The following ERI3 variants were observed in gnomAD, a reference collection of about 807,000 sequenced individuals.
The protein encoded by ERI3 is ERI1 exoribonuclease family member 3, also known as ERI1 exoribonuclease 3.
A neutral mutation model predicts 44.4 loss-of-function variants in ERI3; 18 were observed. The observed-to-expected ratio is 0.41, with a 90% CI of 0.28 to 0.60. The LOEUF is 0.60. ERI3 is among the 20% of genes least tolerant of loss of function. The pLI is 0.36. For synonymous variants in ERI3, 183 were observed against 164.8 expected (o/e 1.11, Z -0.84); for missense variants, 294 against 435.5 (o/e 0.68, Z 2.89).
chr1:44,333,171 C>T (rs1235242427), intron 3 of ERI3, among the ~76,000 whole-genome samples: 1 of 152,220 alleles, frequency 6.6e-6, no homozygotes, highest in Non-Finnish European at 1.5e-5. Flanking sequence ...CACACTAACA[C>T]AAAATACTAC....
chr1:44,221,703 T>C lies in ERI3; in HGVS notation c.932-63A>G. 1.4e-6 allele frequency: 2 copies of C among 1,388,946 alleles called. No homozygotes were observed. The highest frequency in any genetic ancestry group is 2.0e-6 in the Non-Finnish European group (2 of 977,108). 86.0% of individuals were successfully genotyped at this position (1,388,946 alleles called of 1,614,324 possible). On this transcript the variant is annotated intron_variant, in intron 8 of 8. Coordinates refer to ENST00000372257, the MANE Select transcript of ERI3 (RefSeq NM_024066.3). This position sits in a 1 kb window ranked among gnomAD's most constrained non-coding sequence, Gnocchi z 5.9. ...CCTTCCCCTCCATGCCCACAGGTGC[T>C]CTTACAAGGGTGGGGGTGGGAAGCA...
intron 6 of ERI3, among the ~76,000 whole-genome samples, chr1:44,300,726 G>A (rs1645706037): frequency 6.6e-6 from 1 of 152,156 alleles, no homozygotes; most frequent in African/African-American, 2.4e-5. Flanking sequence ...TTCTGGGCCC[G>A]GGGACATGTG....
intron 3 of ERI3, chr1:44,322,950 T>G: frequency 7.0e-7 from 1 of 1,421,328 alleles, no homozygotes; most frequent in South Asian, 1.6e-5. Flanking sequence ...CACAAAGATT[T>G]GTGACAATGT....
intron 2 of ERI3, among the ~76,000 whole-genome samples, chr1:44,347,000 C>T (rs570460848): frequency 6.6e-6 from 1 of 152,132 alleles, no homozygotes; most frequent in South Asian, 2.1e-4. Context: ...ATTTAATCCT[C>T]CCAAGTATCA....
At position 44,290,645 on chromosome 1, in the gene ERI3, G is replaced by A. The variant is rs77422092; in HGVS notation, c.759-5738C>T. 2.8e-3 allele frequency among the ~76,000 whole-genome samples: 432 copies of A among 152,288 alleles called. 7 individuals carry two copies. Among genetic ancestry groups the A allele is most frequent in the East Asian group, 0.015 (79 of 5,174 alleles). On this transcript the variant is annotated intron_variant, in intron 6 of 8. Coordinates refer to ENST00000372257, the MANE Select transcript of ERI3 (RefSeq NM_024066.3). ...CCAGCACGTTCAGGCTACTCCAGCC[G>A]AGGCAGCACTTAGCTGGGGACACAG... is the stretch of plus-strand genomic sequence containing the variant.
intron 7 of ERI3, among the ~76,000 whole-genome samples, chr1:44,272,581 C>T (rs1343066874): frequency 3.3e-5 from 5 of 152,186 alleles, no homozygotes; most frequent in African/African-American, 9.7e-5. Context: ...GTGGCTCACA[C>T]CTGTAATCCC....
intron 1 of ERI3, chr1:44,354,185 T>C (rs368652917): frequency 6.4e-5 from 63 of 985,324 alleles, no homozygotes; most frequent in Middle Eastern, 5.2e-4. Flanking sequence ...TTTTAGCCAA[T>C]AGGATTCATG....
At chr1:44,294,175 G>T in intron 6 of ERI3, among the ~76,000 whole-genome samples, 1 of 152,218 alleles carries the variant, frequency 6.6e-6, no homozygotes, top group East Asian at 1.9e-4. Context: ...GGCACAGCTG[G>T]AAGTGTTCCC....
At chr1:44,330,862 CAG>C (rs1331215115) in intron 3 of ERI3, among the ~76,000 whole-genome samples, 17 of 152,130 alleles carry the variant, frequency 1.1e-4, no homozygotes, top group Non-Finnish European at 4.4e-5. Context: ...CAATGAGATA[CAG>C]AGATGCAGAA....
At chr1:44,292,670 T>A (rs1645532418) in intron 6 of ERI3, among the ~76,000 whole-genome samples, 1 of 152,194 alleles carries the variant, frequency 6.6e-6, no homozygotes, top group Non-Finnish European at 1.5e-5. Flanking sequence ...GGTCCCTCCA[T>A]TCTCCTCTGC....
At chr1:44,335,645 G>A (rs1646519990) in intron 3 of ERI3, among the ~76,000 whole-genome samples, 1 of 151,972 alleles carries the variant, frequency 6.6e-6, no homozygotes. Flanking sequence ...TGTAATCCTG[G>A]CTACTCGGGA....
intron 3 of ERI3, among the ~76,000 whole-genome samples, chr1:44,330,985 T>C (rs900559923): frequency 5.9e-5 from 9 of 152,114 alleles, no homozygotes; most frequent in South Asian, 2.1e-4. Flanking sequence ...TAGGGAGAAG[T>C]GAAGCCTATG....
chr1:44,333,041 G>T (rs1487260080), intron 3 of ERI3, among the ~76,000 whole-genome samples: 1 of 152,234 alleles, frequency 6.6e-6, no homozygotes, highest in East Asian at 1.9e-4. Flanking sequence ...AATTATTCCA[G>T]GAGTCGGGAG....
chr1:44,297,061 AGGCTGCCTCG>A (rs1280794710), intron 6 of ERI3, among the ~76,000 whole-genome samples: 1 of 152,180 alleles, frequency 6.6e-6, no homozygotes, highest in Non-Finnish European at 1.5e-5. Context: ...ACAAAGAGAC[AGGCTGCCTCG>A]GGCTGCCTGC....
chr1:44,235,283 C>T lies in ERI3; in HGVS notation c.931+12656G>A, dbSNP rs2154316596. Among the ~76,000 whole-genome samples the T allele has an allele frequency of 6.6e-6, 1 of 152,302 alleles. No individual in the cohort carries two copies. Among genetic ancestry groups the T allele is most frequent in the South Asian group, 2.1e-4 (1 of 4,820 alleles). On this transcript the variant is annotated intron_variant, in intron 8 of 8. Transcript: ENST00000372257. The surrounding 1 kb of genome is among the most constrained non-coding windows in gnomAD (Gnocchi z 4.6). The stretch of plus-strand genomic sequence containing the variant: ...CCTGTTGTACAGCCAAATTCAGGCT[C>T]ATTTGCACCTTGAGTTTTCAAGTCC...
Position 44,241,914 on chromosome 1 carries a change from C to G in ERI3, c.931+6025G>C. 3 of 982,766 alleles carry G rather than the reference C, an allele frequency of 3.1e-6. No homozygotes were observed. The highest frequency in any genetic ancestry group is 3.6e-6 in the Non-Finnish European group (3 of 827,196). 60.9% of individuals were successfully genotyped at this position (982,766 alleles called of 1,614,324 possible). On this transcript the variant is annotated intron_variant, in intron 8 of 8. Coordinates refer to ENST00000372257, the MANE Select transcript of ERI3 (RefSeq NM_024066.3). The surrounding 1 kb of genome is among the most constrained non-coding windows in gnomAD (Gnocchi z 5.6). ...CCCACCCATCTAGTCCATCAACTCA[C>G]CCATCCATCTAGCCATTCTTCCATC...
At chr1:44,296,602 T>TA (rs973983066) in intron 6 of ERI3, among the ~76,000 whole-genome samples, 13 of 152,164 alleles carry the variant, frequency 8.5e-5, no homozygotes, top group Non-Finnish European at 1.2e-4. Flanking sequence ...TCTGTAACCC[T>TA]AAAACCCAAA....
chr1:44,241,895 C>CATCT lies in ERI3; in HGVS notation c.931+6040_931+6043dup. The CATCT allele has an allele frequency of 1.1e-6, 1 of 950,844 alleles. No homozygotes were observed. The highest frequency in any genetic ancestry group is 6.2e-5 in the Admixed American group (1 of 16,258). The allele number at this position is 950,844 out of a possible 1,614,324, so 58.9% of individuals were successfully genotyped here. Reference sequence around the variant, plus strand: ...CCATCTGTCCATCAACTCACCCACCCATCTAGTCCATCAACTCACCCATCC... The same window carrying CATCT: ...CCATCTGTCCATCAACTCACCCACCCATCTATCTAGTCCATCAACTCACCCATCC... On this transcript the variant is annotated intron_variant, in intron 8 of 8. Coordinates refer to ENST00000372257, the MANE Select transcript of ERI3 (RefSeq NM_024066.3). The surrounding 1 kb of genome is among the most constrained non-coding windows in gnomAD (Gnocchi z 5.6).
intron 5 of ERI3, among the ~76,000 whole-genome samples, chr1:44,308,864 T>G (rs1219625689): frequency 1.3e-5 from 2 of 152,190 alleles, no homozygotes; most frequent in African/African-American, 2.4e-5. Flanking sequence ...TAACCAAACT[T>G]ACAAATTTGG....
Sources: allele counts gnomAD v4.1 joint callset (sites outside exome capture counted in the v4.1 genomes callset), GRCh38; gene constraint gnomAD v4.1.1; non-coding constraint Gnocchi (gnomAD v3.1); transcripts MANE v1.5; gene names NCBI Gene and HGNC (gene_info 2026-07-23, HGNC 2026-07-21).